The following PLCZ1 variants were observed in gnomAD, a reference collection of about 807,000 sequenced individuals.
PLCZ1 encodes phospholipase C zeta 1.
In PLCZ1, 64 loss-of-function variants were observed where a neutral mutation model predicts 76.8. The ratio of observed to expected loss-of-function variants is 0.83; its 90% confidence interval spans 0.68 to 1.03. PLCZ1 has a LOEUF of 1.03. PLCZ1 is among the 50% of genes least tolerant of loss of function. PLCZ1 has a pLI of 0.00. For synonymous variants in PLCZ1, 248 were observed against 230.8 expected, an observed-to-expected ratio of 1.07 and a Z score of -0.68; for missense variants, 751 against 713.7, an observed-to-expected ratio of 1.05 and a Z score of -0.60.
Position 18,712,990 on chromosome 12 carries a change from G to T in PLCZ1, c.570-4C>A. 1 of 1,613,744 alleles carries T rather than the reference G, an allele frequency of 6.2e-7. No individual in the cohort carries two copies. The highest frequency in any genetic ancestry group is 1.1e-5 in the South Asian group (1 of 91,078). On this transcript the variant is annotated splice_polypyrimidine_tract_variant and splice_region_variant and intron_variant, in intron 5 of 14. Transcript: ENST00000266505. ...ACGGCATCCTTTCACAAGGGCACTA[G>T]CAAAATTTCAGCAAAATAAAATGTT...
intron 12 of PLCZ1, chr12:18,693,253 T>G: frequency 6.5e-7 from 1 of 1,542,362 alleles, no homozygotes; most frequent in Admixed American, 1.7e-5. Flanking sequence ...GTGCATACCA[T>G]GATAGGGGTG....
At chr12:18,655,750 GAAA>G in the PLCZ1 span, among the ~76,000 whole-genome samples, 106,798 of 145,090 alleles carry the variant, frequency 0.74, 39,392 homozygotes, top group Admixed American at 0.8. Context: ...ACCTTATCAT[GAAA>G]AAAAAAAAAA....
intron 3 of PLCZ1, among the ~76,000 whole-genome samples, chr12:18,732,095 T>A (rs932293067): frequency 6.6e-6 from 1 of 152,118 alleles, no homozygotes; most frequent in Admixed American, 6.6e-5. Flanking sequence ...AGCCATGAAT[T>A]TATCAACACA....
At chr12:18,705,809 C>A (rs181140925) in intron 6 of PLCZ1, among the ~76,000 whole-genome samples, 1 of 151,854 alleles carries the variant, frequency 6.6e-6, no homozygotes, top group Admixed American at 6.6e-5. Context: ...GAGATTACAA[C>A]GAGCCGAGGT....
At chr12:18,688,449 C>T (rs918885621) in intron 12 of PLCZ1, among the ~76,000 whole-genome samples, 1 of 151,860 alleles carries the variant, frequency 6.6e-6, no homozygotes, top group Non-Finnish European at 1.5e-5. Context: ...ACAATGTCCA[C>T]AATTTTTGAT....
downstream of PLCZ1, among the ~76,000 whole-genome samples, chr12:18,679,520 A>G (rs148490030): frequency 6.6e-6 from 1 of 152,108 alleles, no homozygotes; most frequent in African/African-American, 2.4e-5. Context: ...CTAGATTAAT[A>G]ACCCTGGTTC....
chr12:18,692,495 G>A (rs1565662608), intron 12 of PLCZ1, among the ~76,000 whole-genome samples: 2 of 152,114 alleles, frequency 1.3e-5, no homozygotes, highest in African/African-American at 2.4e-5. Flanking sequence ...TTAGACAACT[G>A]CTTTTATGCT....
At chr12:18,670,059 C>T in the PLCZ1 span, among the ~76,000 whole-genome samples, 1 of 152,080 alleles carries the variant, frequency 6.6e-6, no homozygotes, top group Non-Finnish European at 1.5e-5. Flanking sequence ...AAGATCCTAC[C>T]TCCTAATACC....
chr12:18,718,289 C>T (rs1166402615), intron 5 of PLCZ1, among the ~76,000 whole-genome samples: 1 of 152,170 alleles, frequency 6.6e-6, no homozygotes. Flanking sequence ...AGCTATATCA[C>T]CTGCACTGCT....
chr12:18,736,683 C>G (rs1040998198), intron 2 of PLCZ1: 7 of 1,290,432 alleles, frequency 5.4e-6, no homozygotes, highest in South Asian at 1.2e-5. Flanking sequence ...ACTTCAAGAT[C>G]GCCTCTCACC....
chr12:18,656,826 A>C, the PLCZ1 span, among the ~76,000 whole-genome samples: 1 of 152,178 alleles, frequency 6.6e-6, no homozygotes, highest in African/African-American at 2.4e-5. Context: ...AATTGAAACC[A>C]ATCAAATTTT....
the PLCZ1 span, among the ~76,000 whole-genome samples, chr12:18,649,245 A>C: frequency 3.3e-4 from 50 of 152,076 alleles, no homozygotes; most frequent in Non-Finnish European, 6.5e-4. Context: ...AGTAAAAAGA[A>C]ACTGCCACAG....
At chr12:18,728,688 G>C (rs1314921264) in intron 3 of PLCZ1, among the ~76,000 whole-genome samples, 1 of 152,008 alleles carries the variant, frequency 6.6e-6, no homozygotes, top group African/African-American at 2.4e-5. Flanking sequence ...GCTAACCAGT[G>C]GATTTAGCAT....
Position 18,683,312 on chromosome 12 carries a change from A to G in PLCZ1, c.1754T>C (p.Ile585Thr), listed in dbSNP as rs918476999. ...CTCACCCATTCTGGAAAACAGAGGA[A>G]TACGACGATAACCTGCAAAAGGAAT... is the stretch of plus-strand genomic sequence containing the variant. ...LLCMNKGYRR[I>T]PLFSRMGESL... Residue 585 changes from isoleucine to threonine, a missense_variant, in exon 15 of 15, where the codon ATT (isoleucine) becomes ACT (threonine). Coordinates refer to ENST00000266505, the MANE Select transcript of PLCZ1 (RefSeq NM_033123.4). The G allele has an allele frequency of 6.8e-6, 11 of 1,612,396 alleles. No individual in the cohort carries two copies. The highest frequency in any genetic ancestry group is 7.6e-6 in the Non-Finnish European group (9 of 1,178,958).
At chr12:18,724,455 T>A (rs575220895) in intron 3 of PLCZ1, among the ~76,000 whole-genome samples, 19 of 152,086 alleles carry the variant, frequency 1.2e-4, no homozygotes, top group African/African-American at 2.2e-4. Context: ...TTTAATTTTT[T>A]AAAAAATGCT....
At chr12:18,703,137 G>A (rs1181679092) in intron 7 of PLCZ1, among the ~76,000 whole-genome samples, 2 of 152,156 alleles carry the variant, frequency 1.3e-5, no homozygotes, top group African/African-American at 4.8e-5. Context: ...ATTGGACTAT[G>A]ATTTGGGTTT....
chr12:18,734,411 C>T (rs374425400), intron 3 of PLCZ1, among the ~76,000 whole-genome samples: 29 of 152,142 alleles, frequency 1.9e-4, no homozygotes, highest in Middle Eastern at 3.4e-3. Flanking sequence ...AGTGCAGTGG[C>T]GCAATCTCAG....
At chr12:18,720,670 A>C (rs1958385789) in intron 4 of PLCZ1, among the ~76,000 whole-genome samples, 1 of 152,056 alleles carries the variant, frequency 6.6e-6, no homozygotes, top group Non-Finnish European at 1.5e-5. Context: ...AGAAAAGGTG[A>C]CATGAGCATT....
intron 7 of PLCZ1, among the ~76,000 whole-genome samples, chr12:18,702,818 C>CTTTTTTTTT (rs71064022): frequency 4.3e-5 from 5 of 116,596 alleles, no homozygotes; most frequent in Non-Finnish European, 5.0e-5. Context: ...GATAAAGTAA[C>CTTTTTTTTT]TTTTTTTTTT....
Sources: allele counts gnomAD v4.1 joint callset (sites outside exome capture counted in the v4.1 genomes callset), GRCh38; gene constraint gnomAD v4.1.1; transcripts MANE v1.5; gene names NCBI Gene and HGNC (gene_info 2026-07-23, HGNC 2026-07-21).